HOXA6: variants seen among roughly 807,000 people sequenced by gnomAD.
The protein encoded by HOXA6 is homeobox A6, also known as homeobox protein Hox-A6.
HOXA6 carries 19 observed loss-of-function variants against 23.2 expected under a neutral mutation model. That is an observed-to-expected ratio of 0.82 (90% CI 0.57 to 1.20). The LOEUF (loss-of-function observed/expected upper bound fraction) is 1.20. Ranked by LOEUF, HOXA6 falls within the 50% of genes most tolerant of loss-of-function variation. The pLI is 0.00. For synonymous variants in HOXA6, 140 were observed against 132.6 expected (o/e 1.06, Z -0.38); for missense variants, 346 against 313.6 (o/e 1.10, Z -0.78).
At position 27,147,508 on chromosome 7, in the gene HOXA6, G is replaced by C. The variant is rs754446958; in HGVS notation, c.242C>G (p.Ser81Cys). 1 of 1,614,082 alleles carries C rather than the reference G, an allele frequency of 6.2e-7. No homozygotes were observed. Among genetic ancestry groups the C allele is most frequent in the African/African-American group, 1.3e-5 (1 of 74,918 alleles). ...CGAGGCGCCACTGAGGTCCTTATCA[G>C]AATAGAAACACGAGGCCCCGTACTC... ...SYEYGASCFY[S>C]DKDLSGASPS... The change falls in exon 1 of 2, where the codon TCT becomes TGT. Residue 81 changes from serine to cysteine, a missense_variant. Physicochemically the swap from Ser to Cys is moderately radical, Grantham distance 112. Transcript: ENST00000222728.
Position 27,147,532 on chromosome 7 carries a change from T to A in HOXA6, c.218A>T (p.Glu73Val), listed in dbSNP as rs758481176. Residue 73 changes from glutamate (E) to valine (V), a missense_variant, in exon 1 of 2, where the codon GAG becomes GTG. Physicochemically the swap from Glu to Val is moderately radical, Grantham distance 121. Transcript: ENST00000222728. ...AGAATAGAAACACGAGGCCCCGTAC[T>A]CGTAGGACGCCCGGTTGCAGGCCAG... ...SVLACNRASY[E>V]YGASCFYSDK... 6.2e-7 allele frequency: 1 copy of A among 1,614,214 alleles called. No individual in the cohort carries two copies. Among genetic ancestry groups the A allele is most frequent in the Non-Finnish European group, 8.5e-7 (1 of 1,180,042 alleles).
chr7:27,147,205 C>A, intron 1 of HOXA6, 103 bp downstream of exon 1: 1 of 1,187,186 alleles, frequency 8.4e-7, no homozygotes, highest in African/African-American at 1.5e-5. Context: ...GTTCTTTCAT[C>A]CTTTCTTTCT....
In HOXA6 at chr7:27,145,906, C is replaced by T. The variant is rs750035049; in HGVS notation, c.454G>A (p.Gly152Arg). The T allele has an allele frequency of 2.2e-5, 35 of 1,612,460 alleles. No individual in the cohort carries two copies. Among genetic ancestry groups the T allele is most frequent in the Non-Finnish European group, 2.8e-5 (33 of 1,179,510 alleles). ...RMNSCAGAVY[G>R]SHGRRGRQTY... The stretch of plus-strand genomic sequence containing the variant: ...TGGCGGCCTCGGCGCCCATGGCTCC[C>T]ATACACAGCACCTACGAGCAGAAAC... The change falls in exon 2 of 2, where the codon GGG becomes AGG. Residue 152 changes from glycine (G) to arginine (R), a missense_variant. By Grantham distance (125) the Gly-to-Arg change is moderately radical (BLOSUM62 -2). Transcript: ENST00000222728.
In HOXA6 at chr7:27,147,579, G is replaced by GA. The variant is rs760426520; in HGVS notation, c.170dup (p.Tyr58LeufsTer25). ...CCAGGACCGAGTTGGACTGTTGGTA[G>GA]AAACAAGGTGAGGTGTACGTCTTGT... On this transcript the variant is annotated frameshift_variant, in exon 1 of 2. Coordinates refer to ENST00000222728, the MANE Select transcript of HOXA6 (RefSeq NM_024014.4). LOFTEE classifies it high-confidence loss of function. 2.8e-5 allele frequency: 45 copies of GA among 1,614,138 alleles called. No homozygotes were observed. Among genetic ancestry groups the GA allele is most frequent in the Non-Finnish European group, 3.7e-5 (44 of 1,180,062 alleles).
chr7:27,146,537 G>A (rs1487465507), intron 1 of HOXA6, among the ~76,000 whole-genome samples: 1 of 152,170 alleles, frequency 6.6e-6, no homozygotes, highest in African/African-American at 2.4e-5. Flanking sequence ...CTGTCCTAGG[G>A]AATTCCTAGG....
intron 1 of HOXA6, among the ~76,000 whole-genome samples, chr7:27,146,601 C>T (rs1218176294): frequency 6.6e-6 from 1 of 152,122 alleles, no homozygotes; most frequent in Non-Finnish European, 1.5e-5. Flanking sequence ...AGAGATGGAG[C>T]TATAGGTAGT....
Position 27,147,670 on chromosome 7 carries a change from AG to A in HOXA6, c.79del (p.Leu27SerfsTer9). ...CAGCGCGTCATAGCCAGCCTGGTAG[AG>A]GGGCAGCTGGCCCAAGAAGGAGTCC... ...GQDSFLGQLP[L>X]YQAGYDALRP... is the part of the protein sequence containing the mutation. On this transcript the variant is annotated frameshift_variant, in exon 1 of 2. Transcript: ENST00000222728. LOFTEE classifies it high-confidence loss of function. 6.2e-7 allele frequency: 1 copy of A among 1,614,052 alleles called. No homozygotes were observed. Among genetic ancestry groups the A allele is most frequent in the African/African-American group, 1.3e-5 (1 of 75,052 alleles).
Position 27,145,828 on chromosome 7 carries a change from G to C in HOXA6, c.532C>G (p.Arg178Gly), listed in dbSNP as rs756845392. Residue 178 changes from arginine to glycine, a missense_variant, in exon 2 of 2, where the codon CGC becomes GGC. Physicochemically the swap from Arg to Gly is moderately radical, Grantham distance 125. Coordinates refer to ENST00000222728, the MANE Select transcript of HOXA6 (RefSeq NM_024014.4). ...LELEKEFHFN[R>G]YLTRRRRIEI... ...ATGCGGCGGCGCCGTGTCAGGTAGC[G>C]GTTGAAGTGGAACTCCTTCTCCAGC... 1 of 1,614,242 alleles carries C rather than the reference G, an allele frequency of 6.2e-7. No homozygotes were observed. The highest frequency in any genetic ancestry group is 8.5e-7 in the Non-Finnish European group (1 of 1,180,024).
chr7:27,145,895 C>G lies in HOXA6; in HGVS notation c.465G>C (p.Gly155=). The G allele has an allele frequency of 6.2e-7, 1 of 1,613,236 alleles. No individual in the cohort carries two copies. The highest frequency in any genetic ancestry group is 8.5e-7 in the Non-Finnish European group (1 of 1,179,768). ...SCAGAVYGSH[G]RRGRQTYTRY... is the part of the protein sequence containing the mutation. ...GCGTGTAGGTCTGGCGGCCTCGGCGCCCATGGCTCCCATACACAGCACCTA... is the reference window on the plus strand; with the variant it reads ...GCGTGTAGGTCTGGCGGCCTCGGCGGCCATGGCTCCCATACACAGCACCTA... Residue 155 remains glycine (G), a synonymous_variant, in exon 2 of 2, where the codon GGG becomes GGC. Coordinates refer to ENST00000222728, the MANE Select transcript of HOXA6 (RefSeq NM_024014.4).
In HOXA6 at chr7:27,146,251, T is replaced by TGTTTG. The variant is rs1782763250; in HGVS notation, c.443-335_443-334insCAAAC. On this transcript the variant is annotated intron_variant, in intron 1 of 1. Coordinates refer to ENST00000222728, the MANE Select transcript of HOXA6 (RefSeq NM_024014.4). ...GGGGATGCAGGGTGTGTGTGTGTGT[T>TGTTTG]TGTGTGTGTGTGTGTGTGTGTGTCT... is the stretch of plus-strand genomic sequence containing the variant. 2.7e-5 allele frequency among the ~76,000 whole-genome samples: 4 copies of TGTTTG among 149,112 alleles called. No homozygotes were observed. In the South Asian group the frequency reaches 8.6e-4, roughly 32 times the overall value.
At chr7:27,146,263 G>GTT (rs1782765642) in intron 1 of HOXA6, among the ~76,000 whole-genome samples, 1 of 151,810 alleles carries the variant, frequency 6.6e-6, no homozygotes, top group African/African-American at 2.4e-5. Context: ...GTGTGTGTGT[G>GTT]TGTGTGTGTG....
intron 1 of HOXA6, chr7:27,147,099 G>A: frequency 1.3e-5 from 8 of 601,700 alleles, no homozygotes; most frequent in Admixed American, 6.0e-5. Flanking sequence ...CAGCTTACAT[G>A]GACACTGGGG....
chr7:27,146,935 C>T (rs971622856), intron 1 of HOXA6, among the ~76,000 whole-genome samples: 7 of 152,180 alleles, frequency 4.6e-5, no homozygotes, highest in East Asian at 1.9e-4. Flanking sequence ...TTATCAGTGA[C>T]GCAGTGCAAA....
rs951345958 is a variant in HOXA6, at chr7:27,147,605, C to T, written c.145G>A (p.Asp49Asn). 9 of 1,614,108 alleles carry T rather than the reference C, an allele frequency of 5.6e-6. No homozygotes were observed. Among genetic ancestry groups the T allele is most frequent in the Middle Eastern group, 1.6e-4 (1 of 6,084 alleles). The change falls in exon 1 of 2, where the codon GAC becomes AAC. Residue 49 changes from aspartate to asparagine, a missense_variant. By Grantham distance (23) the Asp-to-Asn change is conservative. Coordinates refer to ENST00000222728, the MANE Select transcript of HOXA6 (RefSeq NM_024014.4). Reference sequence around the variant, plus strand: ...AAACAAGGTGAGGTGTACGTCTTGTCCGGGAGACTCGACGCCCCGTACGAG... The same window carrying T: ...AAACAAGGTGAGGTGTACGTCTTGTTCGGGAGACTCGACGCCCCGTACGAG... ...PASYGASSLP[D>N]KTYTSPCFYQ...
Position 27,145,573 on chromosome 7 carries a change from CG to C in HOXA6, c.*84del, listed in dbSNP as rs1782728494. 8 of 1,524,614 alleles carry C rather than the reference CG, an allele frequency of 5.2e-6. No homozygotes were observed. The East Asian group carries it at 1.4e-4, about 26-fold the overall frequency. 94.4% of individuals were successfully genotyped at this position (1,524,614 alleles called of 1,614,324 possible). On this transcript the variant is annotated 3_prime_UTR_variant, in exon 2 of 2. Coordinates refer to ENST00000222728, the MANE Select transcript of HOXA6 (RefSeq NM_024014.4). The stretch of plus-strand genomic sequence containing the variant: ...GCGGAAGCCCCCAGATGGGAGCAGG[CG>C]GGGAGAAAAGTTGGGGAACAGGCGA...
At position 27,145,446 on chromosome 7, in the gene HOXA6, G is replaced by GGTTTGGTTTT. The variant is rs1554341485; in HGVS notation, c.*211_*212insAAAACCAAAC. 415 of 331,026 alleles carry GGTTTGGTTTT rather than the reference G, an allele frequency of 1.3e-3. 4 individuals are homozygous for GGTTTGGTTTT. Among genetic ancestry groups the GGTTTGGTTTT allele is most frequent in the South Asian group, 4.6e-3 (117 of 25,314 alleles). 20.5% of individuals were successfully genotyped at this position (331,026 alleles called of 1,614,324 possible). A position where few individuals can be genotyped will look rare whatever the true frequency, so the allele number is the denominator to read the frequency against. On this transcript the variant is annotated 3_prime_UTR_variant, in exon 2 of 2. Transcript: ENST00000222728. The stretch of plus-strand genomic sequence containing the variant: ...CACCGCTGGTATTGGCTGTGTGTGA[G>GGTTTGGTTTT]GTTTTGTTTTGTTTTGTTTTGTTTT...
At position 27,145,905 on chromosome 7, in the gene HOXA6, C is replaced by T; in HGVS notation, c.455G>A (p.Gly152Glu). 1 of 1,612,920 alleles carries T rather than the reference C, an allele frequency of 6.2e-7. No homozygotes were observed. Among genetic ancestry groups the T allele is most frequent in the Non-Finnish European group, 8.5e-7 (1 of 1,179,690 alleles). ...RMNSCAGAVYGSHGRRGRQTY... is the reference protein window; with the variant it reads ...RMNSCAGAVYESHGRRGRQTY... ...CTGGCGGCCTCGGCGCCCATGGCTC[C>T]CATACACAGCACCTACGAGCAGAAA... is the stretch of plus-strand genomic sequence containing the variant. Residue 152 changes from glycine to glutamate, a missense_variant, in exon 2 of 2, where the codon GGG becomes GAG. By Grantham distance (98) the Gly-to-Glu change is moderately conservative (BLOSUM62 -2). Coordinates refer to ENST00000222728, the MANE Select transcript of HOXA6 (RefSeq NM_024014.4).
rs1319069268 is a variant in HOXA6, at chr7:27,147,510, A to T, written c.240T>A (p.Tyr80Ter). 6 of 1,614,064 alleles carry T rather than the reference A, an allele frequency of 3.7e-6. No individual in the cohort carries two copies. In the Admixed American group the frequency reaches 5.0e-5, roughly 13 times the overall value. Residue 80 changes from tyrosine to a stop codon, truncating the protein, a stop_gained, in exon 1 of 2, where the codon TAT becomes TAA. Coordinates refer to ENST00000222728, the MANE Select transcript of HOXA6 (RefSeq NM_024014.4). LOFTEE classifies it high-confidence loss of function. ...AGGCGCCACTGAGGTCCTTATCAGA[A>T]TAGAAACACGAGGCCCCGTACTCGT... ...ASYEYGASCF[Y>*]SDKDLSGASP... is the part of the protein sequence containing the mutation.
At chr7:27,147,100 G>A in intron 1 of HOXA6, 1 of 603,358 alleles carries the variant, frequency 1.7e-6, no homozygotes, top group Admixed American at 3.0e-5. Flanking sequence ...AGCTTACATG[G>A]ACACTGGGGC....
Sources: allele counts gnomAD v4.1 joint callset (sites outside exome capture counted in the v4.1 genomes callset), GRCh38; gene constraint gnomAD v4.1.1; transcripts MANE v1.5; gene names NCBI Gene and HGNC (gene_info 2026-07-23, HGNC 2026-07-21).